Variants in BLTP3A observed in about 807,000 individuals in gnomAD.
BLTP3A encodes ICBP90 binding protein 1.
the BLTP3A span, among the ~76,000 whole-genome samples, chr6:34,808,172 C>G: frequency 3.3e-5 from 5 of 151,874 alleles, no homozygotes; most frequent in Non-Finnish European, 5.9e-5. Flanking sequence ...GGTGAAACTT[C>G]ATCTCTACTG....
chr6:34,794,598 G>A, the BLTP3A span, among the ~76,000 whole-genome samples: 1 of 152,158 alleles, frequency 6.6e-6, no homozygotes, highest in Admixed American at 6.6e-5. Flanking sequence ...AGGCATCTTG[G>A]AACTAGGTGA....
chr6:34,813,037 A>G, the BLTP3A span, among the ~76,000 whole-genome samples: 1 of 152,208 alleles, frequency 6.6e-6, no homozygotes, highest in Non-Finnish European at 1.5e-5. Flanking sequence ...CACCTCCTCA[A>G]TGGAAAAAAT....
the BLTP3A span, among the ~76,000 whole-genome samples, chr6:34,819,590 T>C: frequency 6.6e-6 from 1 of 152,260 alleles, no homozygotes; most frequent in East Asian, 1.9e-4. Flanking sequence ...ATTTGAGAAT[T>C]AGAGAACATC....
chr6:34,814,220 G>A, the BLTP3A span, among the ~76,000 whole-genome samples: 1 of 152,056 alleles, frequency 6.6e-6, no homozygotes, highest in African/African-American at 2.4e-5. Flanking sequence ...TCACCATGTT[G>A]CCCAGGCTGG....
the BLTP3A span, among the ~76,000 whole-genome samples, chr6:34,804,651 C>A: frequency 6.6e-6 from 1 of 152,252 alleles, no homozygotes; most frequent in Admixed American, 6.5e-5. Context: ...ATTGGAAAGA[C>A]AGAAGCTAGA....
chr6:34,847,031 G>C, the BLTP3A span, among the ~76,000 whole-genome samples: 7 of 152,042 alleles, frequency 4.6e-5, no homozygotes, highest in African/African-American at 1.7e-4. Flanking sequence ...ATATATTTTT[G>C]TTCTTCATTC....
At chr6:34,859,237 G>T in the BLTP3A span, 10 of 1,614,090 alleles carry the variant, frequency 6.2e-6, no homozygotes, top group Non-Finnish European at 6.8e-6. Context: ...AGGTCCACTT[G>T]CCCAGCAGCT....
chr6:34,819,101 G>A, the BLTP3A span, among the ~76,000 whole-genome samples: 1 of 151,716 alleles, frequency 6.6e-6, no homozygotes, highest in East Asian at 1.9e-4. Flanking sequence ...AGAGGCAGCA[G>A]CAGTGAATTA....
the BLTP3A span, among the ~76,000 whole-genome samples, chr6:34,847,554 T>C: frequency 6.6e-6 from 1 of 152,014 alleles, no homozygotes; most frequent in East Asian, 1.9e-4. Context: ...TAGCTAAGCA[T>C]TTATCCTTTT....
At chr6:34,812,024 C>A in the BLTP3A span, among the ~76,000 whole-genome samples, 67,257 of 151,506 alleles carry the variant, frequency 0.44, 16,870 homozygotes, top group African/African-American at 0.69. Flanking sequence ...GACTCTAGCT[C>A]TTAAAAAAAG....
chr6:34,876,602 T>C, the BLTP3A span: 1 of 152,216 alleles, frequency 6.6e-6, no homozygotes, highest in South Asian at 2.1e-4. Flanking sequence ...GTACACAAGT[T>C]AGTTCGATGA....
At chr6:34,869,668 T>TTTTTTTG in the BLTP3A span, among the ~76,000 whole-genome samples, 7 of 132,462 alleles carry the variant, frequency 5.3e-5, no homozygotes, top group African/African-American at 1.4e-4. Flanking sequence ...TTTTTTTTTT[T>TTTTTTTG]GAGGCAGAGT....
chr6:34,865,780 C>T, the BLTP3A span, among the ~76,000 whole-genome samples: 1 of 152,178 alleles, frequency 6.6e-6, no homozygotes, highest in African/African-American at 2.4e-5. Flanking sequence ...TGCACCGTTT[C>T]TTAAGCTGGG....
At chr6:34,817,801 G>A in the BLTP3A span, among the ~76,000 whole-genome samples, 1 of 151,900 alleles carries the variant, frequency 6.6e-6, no homozygotes, top group East Asian at 1.9e-4. Flanking sequence ...GCCTGAGTAA[G>A]AAGTGGTTAG....
the BLTP3A span, among the ~76,000 whole-genome samples, chr6:34,829,566 C>A: frequency 6.6e-6 from 1 of 152,130 alleles, no homozygotes; most frequent in Non-Finnish European, 1.5e-5. Flanking sequence ...TTCCTCATTA[C>A]TGTATACCAT....
chr6:34,874,160 T>C, the BLTP3A span: 10 of 152,322 alleles, frequency 6.6e-5, no homozygotes, highest in Non-Finnish European at 1.3e-4. Context: ...ATAAATGACC[T>C]GAAAGTAGGA....
At chr6:34,875,409 C>G in the BLTP3A span, 2 of 152,170 alleles carry the variant, frequency 1.3e-5, no homozygotes, top group Admixed American at 6.5e-5. Context: ...GGTTTAAAAT[C>G]ATATTCTGAT....
chr6:34,834,119 A>G, the BLTP3A span: 1 of 1,277,664 alleles, frequency 7.8e-7, no homozygotes, highest in Non-Finnish European at 1.1e-6. Context: ...TAAAAAGACT[A>G]CTGTATTATC....
the BLTP3A span, among the ~76,000 whole-genome samples, chr6:34,801,372 T>C: frequency 1.3e-5 from 2 of 152,178 alleles, no homozygotes; most frequent in African/African-American, 4.8e-5. Flanking sequence ...GTTCTGGGTC[T>C]TGGTTGTTAG....
Sources: gnomAD v4.1 joint callset for allele counts (sites outside exome capture counted in the v4.1 genomes callset) on GRCh38, gnomAD v4.1.1 for gene constraint, MANE v1.5 for transcripts, NCBI Gene and HGNC (gene_info 2026-07-23, HGNC 2026-07-21) for gene names.